Variants in SHROOM2 observed in about 807,000 individuals in gnomAD.
SHROOM2 encodes the protein shroom family member 2.
Under a neutral mutation model 75.9 loss-of-function variants are expected in SHROOM2, and 33 were observed. The ratio of observed to expected loss-of-function variants is 0.43; its 90% CI spans 0.33 to 0.58. SHROOM2 has a LOEUF of 0.58. Ranked by LOEUF, SHROOM2 falls within the 20% of genes least tolerant of loss-of-function variation. The pLI, the probability that SHROOM2 is intolerant of heterozygous loss-of-function variation, is 0.04. For synonymous variants in SHROOM2, 655 were observed against 663.6 expected, an observed-to-expected ratio of 0.99 and a Z score of 0.20; for missense variants, 1,434 against 1,461.2, an observed-to-expected ratio of 0.98 and a Z score of 0.30.
At chrX:9,907,543 A>G (rs1387913014) in intron 5 of SHROOM2, among the ~76,000 whole-genome samples, 1 of 111,233 alleles carries the variant, frequency 9.0e-6, no homozygotes, top group East Asian at 2.8e-4. Context: ...GTGGTGTCAG[A>G]TGGTAAAGGG....
intron 1 of SHROOM2, chrX:9,818,698 A>G (rs1007368374): frequency 7.0e-6 from 3 of 427,391 alleles, no homozygotes; most frequent in African/African-American, 5.0e-5. Context: ...AAGAGGGCCC[A>G]TGGCTTTAAC....
chrX:9,787,597 A>G (rs2083622169), intron 1 of SHROOM2, among the ~76,000 whole-genome samples: 1 of 112,236 alleles, frequency 8.9e-6, no homozygotes, highest in Admixed American at 9.5e-5. Flanking sequence ...AAGATAATTT[A>G]CTGGTTTTCT....
At chrX:9,864,082 G>T (rs768066728) in intron 1 of SHROOM2, among the ~76,000 whole-genome samples, 1 of 110,711 alleles carries the variant, frequency 9.0e-6, no homozygotes, top group African/African-American at 3.3e-5. Context: ...TCTGTCTCCG[G>T]GCGAAACTTC....
In SHROOM2 at chrX:9,838,186, G is replaced by A. The variant is rs182382653; in HGVS notation, c.166-35466G>A. Among the ~76,000 whole-genome samples, 725 of 105,413 alleles carry A rather than the reference G, an allele frequency of 6.9e-3. 3 individuals carry two copies. The highest frequency in any genetic ancestry group is 1.0e-2 in the Non-Finnish European group (516 of 51,711). The allele number at this position is 105,413 out of a possible 115,157, so 91.5% of individuals were successfully genotyped here. On this transcript the variant is annotated intron_variant, in intron 1 of 9. Coordinates refer to ENST00000380913, the MANE Select transcript of SHROOM2 (RefSeq NM_001649.4). The stretch of plus-strand genomic sequence containing the variant: ...CGCCATTCTTCTGCCTCAGCCTCCC[G>A]AGTTGCTGGGACTACAGGTGCCCGC...
chrX:9,873,442 C>G (rs2084181587), intron 1 of SHROOM2, among the ~76,000 whole-genome samples: 1 of 111,796 alleles, frequency 8.9e-6, no homozygotes, highest in African/African-American at 3.3e-5. Flanking sequence ...TCAAGCTTTC[C>G]CATTCCCTGG....
intron 1 of SHROOM2, among the ~76,000 whole-genome samples, chrX:9,848,510 C>CACAA (rs1555927073): frequency 1.4e-4 from 3 of 22,027 alleles, no homozygotes; most frequent in African/African-American, 3.1e-4. Context: ...GACTCCGTCT[C>CACAA]AAAAAAAAAA....
intron 2 of SHROOM2, among the ~76,000 whole-genome samples, chrX:9,879,116 C>T (rs2084217715): frequency 1.8e-5 from 2 of 111,076 alleles, no homozygotes; most frequent in East Asian, 5.7e-4. Flanking sequence ...GGCTGGAGTG[C>T]GGTGGCTACT....
At chrX:9,946,602 G>T in intron 9 of SHROOM2, 69 bp from the exon 10 acceptor site, 1 of 1,063,624 alleles carries the variant, frequency 9.4e-7, no homozygotes, top group Admixed American at 2.8e-5. Flanking sequence ...AGTTGCCAGT[G>T]TCTTCAAGGG....
At chrX:9,824,452 A>G (rs962261023) in intron 1 of SHROOM2, among the ~76,000 whole-genome samples, 6 of 111,511 alleles carry the variant, frequency 5.4e-5, no homozygotes, top group African/African-American at 2.0e-4. Flanking sequence ...AAATAAATAA[A>G]TAAATAGAAT....
At chrX:9,913,426 T>C (rs910608847) in intron 5 of SHROOM2, among the ~76,000 whole-genome samples, 2 of 112,575 alleles carry the variant, frequency 1.8e-5, no homozygotes, top group African/African-American at 6.5e-5. Flanking sequence ...TGTGACAGTT[T>C]AAGGGTTTTA....
Position 9,895,979 on chromosome X carries a change from G to T in SHROOM2, c.2071G>T (p.Val691Phe). Residue 691 changes from valine to phenylalanine, a missense_variant, in exon 4 of 10, where the codon GTC becomes TTC. By Grantham distance (50) the Val-to-Phe change is conservative. Transcript: ENST00000380913. ...KDHLKEAQAR[V>F]LRATSFKRRD... ...CCACCTGAAAGAGGCCCAAGCCCGGGTCCTGAGGGCCACGTCCTTCAAGCG... is the reference window on the plus strand; with the variant it reads ...CCACCTGAAAGAGGCCCAAGCCCGGTTCCTGAGGGCCACGTCCTTCAAGCG... The T allele has an allele frequency of 8.3e-7, 1 of 1,202,737 alleles. No individual in the cohort carries two copies. The highest frequency in any genetic ancestry group is 1.1e-6 in the Non-Finnish European group (1 of 891,268).
At chrX:9,893,613 G>A (rs1402929214) in intron 3 of SHROOM2, among the ~76,000 whole-genome samples, 3 of 111,606 alleles carry the variant, frequency 2.7e-5, no homozygotes, top group Non-Finnish European at 5.6e-5. Flanking sequence ...TTTCACAGGT[G>A]AAATAGGAGA....
rs202144165 is a variant in SHROOM2, at chrX:9,855,585, TC to T, written c.166-18064del. On this transcript the variant is annotated intron_variant, in intron 1 of 9. Transcript: ENST00000380913. Reference sequence around the variant, plus strand: ...TAGATAGATATTGCATCAGATTTTGTCCCTAAAAGGACTGAGTACAGTACAG... The same window carrying T: ...TAGATAGATATTGCATCAGATTTTGTCCTAAAAGGACTGAGTACAGTACAG... Among the ~76,000 whole-genome samples, 680 of 111,628 alleles carry T rather than the reference TC, an allele frequency of 6.1e-3. 4 individuals are homozygous for T. Among genetic ancestry groups the T allele is most frequent in the African/African-American group, 0.02 (628 of 30,692 alleles).
intron 1 of SHROOM2, among the ~76,000 whole-genome samples, chrX:9,812,944 A>G (rs1317777264): frequency 1.8e-5 from 2 of 112,360 alleles, no homozygotes; most frequent in Non-Finnish European, 3.8e-5. Flanking sequence ...CAGCAGCTGC[A>G]ACTGAAATCA....
chrX:9,880,436 C>T (rs1292521269), intron 2 of SHROOM2, among the ~76,000 whole-genome samples: 1 of 113,519 alleles, frequency 8.8e-6, no homozygotes, highest in African/African-American at 3.2e-5. Flanking sequence ...GCATGCTCTG[C>T]CCTGCACTGG....
Position 9,939,218 on chromosome X carries a change from C to CGGG in SHROOM2, c.4165_4166insGGG (p.Ala1388_Ala1389insGly), listed in dbSNP as rs1569179016. 5.8e-6 allele frequency: 7 copies of CGGG among 1,207,391 alleles called. No homozygotes were observed. In the South Asian group the frequency reaches 1.1e-4, roughly 18 times the overall value. On this transcript the variant is annotated inframe_insertion, in exon 8 of 10. Coordinates refer to ENST00000380913, the MANE Select transcript of SHROOM2 (RefSeq NM_001649.4). ...AGGAAAGAGGAGCCCAGCGTGCCTG[C>CGGG]GGCCGTGTCCCTGGCCACCAATTCT...
rs1282796376 is a variant in SHROOM2 at position 9,932,530 on chromosome X, G to C, written c.3247G>C (p.Ala1083Pro). ...ATACAGGGCCACAGACGGCGCACCTGCTGACGCCCCCGTGGGCGTCCTCGG... is the reference window on the plus strand; with the variant it reads ...ATACAGGGCCACAGACGGCGCACCTCCTGACGCCCCCGTGGGCGTCCTCGG... ...RRYRATDGAP[A>P]DAPVGVLGRP... Residue 1083 changes from alanine to proline, a missense_variant, in exon 6 of 10, where the codon GCT (alanine) becomes CCT (proline). Ala to Pro is a conservative substitution (Grantham distance 27). Around this residue, in one of 3 missense-constraint regions of SHROOM2, gnomAD observed 1,340 missense variants for 1,338.3 expected, o/e 1.00. Coordinates refer to ENST00000380913, the MANE Select transcript of SHROOM2 (RefSeq NM_001649.4). 6.6e-6 allele frequency: 8 copies of C among 1,209,610 alleles called. No homozygotes were observed. The highest frequency in any genetic ancestry group is 8.9e-6 in the Non-Finnish European group (8 of 894,916).
At position 9,943,803 on chromosome X, in the gene SHROOM2, G is replaced by A. The variant is rs747676493; in HGVS notation, c.4312-838G>A. Among the ~76,000 whole-genome samples, 3 of 112,256 alleles carry A rather than the reference G, an allele frequency of 2.7e-5. No homozygotes were observed. In the East Asian group the frequency reaches 8.3e-4, roughly 31 times the overall value. On this transcript the variant is annotated intron_variant, in intron 8 of 9. Transcript: ENST00000380913. Reference sequence around the variant, plus strand: ...TAGTAAAAGACTGTTAAGTTCATTCGTATCCCTTTATTGGTCTTAATTTTT... The same window carrying A: ...TAGTAAAAGACTGTTAAGTTCATTCATATCCCTTTATTGGTCTTAATTTTT...
chrX:9,803,780 G>C (rs927307469), intron 1 of SHROOM2, among the ~76,000 whole-genome samples: 8 of 111,426 alleles, frequency 7.2e-5, no homozygotes, highest in Non-Finnish European at 1.5e-4. Context: ...CAGAAGTCAG[G>C]ATTTTAGGGT....
Sources: allele counts gnomAD v4.1 joint callset (sites outside exome capture counted in the v4.1 genomes callset), GRCh38; gene constraint gnomAD v4.1.1; regional missense constraint gnomAD v4.1.1; transcripts MANE v1.5; gene names NCBI Gene and HGNC (gene_info 2026-07-23, HGNC 2026-07-21).